Variants in NKAIN3 observed in about 807,000 individuals in gnomAD.
NKAIN3 encodes the protein sodium/potassium transporting ATPase interacting 3, also known as sodium/potassium-transporting ATPase subunit beta-1-interacting protein 3.
In NKAIN3, 25 loss-of-function variants were observed where a neutral mutation model predicts 30.2. That is an observed-to-expected ratio of 0.83 (90% CI 0.60 to 1.16). The LOEUF is 1.16. NKAIN3 is among the 50% of genes most tolerant of loss of function. NKAIN3 has a pLI of 0.00. For synonymous variants in NKAIN3, 91 were observed against 89.6 expected, an observed-to-expected ratio of 1.02 and a Z score of -0.09; for missense variants, 225 against 254.1, an observed-to-expected ratio of 0.89 and a Z score of 0.78.
At chr8:62,993,956 A>G (rs761869553) in intron 5 of NKAIN3, among the ~76,000 whole-genome samples, 6 of 152,220 alleles carry the variant, frequency 3.9e-5, no homozygotes, top group Non-Finnish European at 8.8e-5. Flanking sequence ...ACTTCAGGTC[A>G]CTGGTTTAAT....
intron 1 of NKAIN3, among the ~76,000 whole-genome samples, chr8:62,489,033 T>C (rs1409796803): frequency 6.6e-6 from 1 of 152,210 alleles, no homozygotes; most frequent in African/African-American, 2.4e-5. Flanking sequence ...TCTATTTGTT[T>C]AATTTGAAAT....
At chr8:62,632,730 T>C (rs922776099) in intron 3 of NKAIN3, among the ~76,000 whole-genome samples, 6 of 151,760 alleles carry the variant, frequency 4.0e-5, no homozygotes, top group African/African-American at 1.4e-4. Context: ...CTCAAACTCC[T>C]GACCTCAGGT....
At chr8:62,483,694 A>G (rs1806807259) in intron 1 of NKAIN3, 4 of 289,286 alleles carry the variant, frequency 1.4e-5, no homozygotes, top group South Asian at 1.3e-4. Flanking sequence ...GTCAGGGACA[A>G]TAAGCCCTTG....
chr8:62,671,059 A>C (rs1052449985), intron 3 of NKAIN3, among the ~76,000 whole-genome samples: 1 of 152,080 alleles, frequency 6.6e-6, no homozygotes, highest in African/African-American at 2.4e-5. Context: ...GCTTCCCATA[A>C]ATTCCTATTG....
At chr8:62,923,599 C>T (rs759211192) in intron 5 of NKAIN3, among the ~76,000 whole-genome samples, 3 of 152,146 alleles carry the variant, frequency 2.0e-5, no homozygotes, top group East Asian at 1.9e-4. Flanking sequence ...CACTGTACCA[C>T]GTCAGAACAA....
intron 1 of NKAIN3, among the ~76,000 whole-genome samples, chr8:62,442,623 T>C (rs1462055807): frequency 6.6e-6 from 1 of 151,890 alleles, no homozygotes; most frequent in East Asian, 1.9e-4. Flanking sequence ...TATTTTCTTT[T>C]TATTTTTGGC....
chr8:62,688,977 T>C (rs1813879774), intron 3 of NKAIN3, among the ~76,000 whole-genome samples: 1 of 152,212 alleles, frequency 6.6e-6, no homozygotes. Flanking sequence ...ATGTTATTTC[T>C]GTCTCTTTCC....
intron 1 of NKAIN3, among the ~76,000 whole-genome samples, chr8:62,478,957 T>A (rs1396309313): frequency 6.6e-6 from 1 of 152,158 alleles, no homozygotes; most frequent in Non-Finnish European, 1.5e-5. Context: ...CACCCTGCCC[T>A]GTAGAGCTCT....
intron 1 of NKAIN3, among the ~76,000 whole-genome samples, chr8:62,572,131 T>A (rs1481250775): frequency 6.6e-6 from 1 of 152,218 alleles, no homozygotes; most frequent in Non-Finnish European, 1.5e-5. Context: ...CTTTCAAAAC[T>A]GAATGCCTTT....
rs532889576 is a variant in NKAIN3 at position 62,794,977 on chromosome 8, T to C, written c.471+47848T>C. On this transcript the variant is annotated intron_variant, in intron 4 of 6. Transcript: ENST00000623646. ...CTTTCCATCCCCTTCACACAACTTA[T>C]TGTGTACCTGTGTGTGTATATCATG... is the stretch of plus-strand genomic sequence containing the variant. 4.9e-4 allele frequency among the ~76,000 whole-genome samples: 74 copies of C among 152,244 alleles called. No homozygotes were observed. The South Asian group carries it at 0.015, about 30-fold the overall frequency.
chr8:62,627,143 T>C (rs1264267664), intron 3 of NKAIN3, among the ~76,000 whole-genome samples: 5 of 152,106 alleles, frequency 3.3e-5, no homozygotes, highest in Admixed American at 6.6e-5. Flanking sequence ...AGTTCGGTGT[T>C]CAAGTTGTGG....
chr8:62,494,922 G>GC (rs1807187114), intron 1 of NKAIN3, among the ~76,000 whole-genome samples: 1 of 151,930 alleles, frequency 6.6e-6, no homozygotes, highest in Non-Finnish European at 1.5e-5. Context: ...AGTCTAGCTA[G>GC]CACCCTATCA....
chr8:62,658,429 A>G (rs1812831636), intron 3 of NKAIN3, among the ~76,000 whole-genome samples: 1 of 152,212 alleles, frequency 6.6e-6, no homozygotes, highest in East Asian at 1.9e-4. Flanking sequence ...AGTTGAGGCT[A>G]TCATCGGGGA....
chr8:62,510,825 C>T (rs1807793414), intron 1 of NKAIN3, among the ~76,000 whole-genome samples: 1 of 152,042 alleles, frequency 6.6e-6, no homozygotes, highest in Non-Finnish European at 1.5e-5. Context: ...TCCTTGACCT[C>T]TTCTTTCACC....
At chr8:62,863,645 G>T in intron 4 of NKAIN3, 1 of 1,279,554 alleles carries the variant, frequency 7.8e-7, no homozygotes, top group Non-Finnish European at 1.1e-6. Context: ...TGGGTCACTG[G>T]GATAACTTTC....
intron 3 of NKAIN3, among the ~76,000 whole-genome samples, chr8:62,676,365 GA>G (rs1813474808): frequency 6.6e-6 from 1 of 152,146 alleles, no homozygotes; most frequent in African/African-American, 2.4e-5. Context: ...TTAGGAGGTC[GA>G]GACCATCCTG....
chr8:62,289,252 T>C (rs181810048), intron 1 of NKAIN3, among the ~76,000 whole-genome samples: 1 of 152,246 alleles, frequency 6.6e-6, no homozygotes, highest in Non-Finnish European at 1.5e-5. Context: ...TTTAAGTAGA[T>C]CCCATTTGTC....
chr8:62,838,224 G>A (rs1484022961), intron 4 of NKAIN3, among the ~76,000 whole-genome samples: 1 of 151,172 alleles, frequency 6.6e-6, no homozygotes, highest in Non-Finnish European at 1.5e-5. Flanking sequence ...CCTTTTGGTG[G>A]GGAGATATAT....
At chr8:62,865,185 G>A (rs1261280176) in intron 4 of NKAIN3, among the ~76,000 whole-genome samples, 3 of 152,180 alleles carry the variant, frequency 2.0e-5, no homozygotes, top group Non-Finnish European at 2.9e-5. Flanking sequence ...TTGTGGAGAA[G>A]TATGGCTGGC....
Sources: gnomAD v4.1 joint callset for allele counts (sites outside exome capture counted in the v4.1 genomes callset) on GRCh38, gnomAD v4.1.1 for gene constraint, MANE v1.5 for transcripts, NCBI Gene and HGNC (gene_info 2026-07-23, HGNC 2026-07-21) for gene names.